Variants in SND1 observed in about 807,000 individuals in gnomAD.
SND1 encodes the protein staphylococcal nuclease and tudor domain containing 1, also known as staphylococcal nuclease domain-containing protein 1.
Under a neutral mutation model 121.7 loss-of-function variants are expected in SND1, and 38 were observed. That is an observed-to-expected ratio of 0.31 (90% CI 0.24 to 0.41). The LOEUF is 0.41. SND1 is among the 10% of genes least tolerant of loss of function. The pLI is 1.00. For missense variants in SND1, 868 were observed against 1,184.6 expected (o/e 0.73, Z 3.92); for synonymous variants, 401 against 447.4 (o/e 0.90, Z 1.31).
chr7:127,794,448 T>C (rs993368322), intron 10 of SND1, among the ~76,000 whole-genome samples: 2 of 152,240 alleles, frequency 1.3e-5, no homozygotes, highest in Non-Finnish European at 2.9e-5. Flanking sequence ...TCCAGCCTTA[T>C]TTTCCCTTCT....
chr7:127,971,225 C>T (rs184847351), intron 15 of SND1, among the ~76,000 whole-genome samples: 1 of 152,048 alleles, frequency 6.6e-6, no homozygotes, highest in African/African-American at 2.4e-5. Context: ...AACCATTTTA[C>T]AAATCTTAGA....
chr7:127,686,258 TATTA>T (rs1456119561), intron 1 of SND1, among the ~76,000 whole-genome samples: 1 of 152,240 alleles, frequency 6.6e-6, no homozygotes, highest in African/African-American at 2.4e-5. Flanking sequence ...TTGATGGAGA[TATTA>T]ATTCTTAATA....
intron 10 of SND1, among the ~76,000 whole-genome samples, chr7:127,725,869 G>C (rs890044769): frequency 6.6e-6 from 1 of 152,090 alleles, no homozygotes; most frequent in African/African-American, 2.4e-5. Flanking sequence ...GTTCTAGGGC[G>C]GGCCTCCACT....
At chr7:127,755,315 C>T (rs1183511612) in intron 10 of SND1, among the ~76,000 whole-genome samples, 1 of 152,186 alleles carries the variant, frequency 6.6e-6, no homozygotes, top group Middle Eastern at 3.2e-3. Context: ...TAGTGTGAGG[C>T]ATCTGATTAA....
chr7:128,083,797 A>T (rs530557070), intron 18 of SND1, among the ~76,000 whole-genome samples: 1 of 152,296 alleles, frequency 6.6e-6, no homozygotes, highest in Non-Finnish European at 1.5e-5. Flanking sequence ...CTGAGACGCA[A>T]GGGGCAAAAA....
intron 22 of SND1, among the ~76,000 whole-genome samples, chr7:128,090,045 A>T (rs1159561386): frequency 6.6e-6 from 1 of 152,038 alleles, no homozygotes; most frequent in Non-Finnish European, 1.5e-5. Context: ...GACAGCTTCC[A>T]AGTCAATAAC....
intron 10 of SND1, among the ~76,000 whole-genome samples, chr7:127,749,043 G>GTT (rs5887354): frequency 0.042 from 4,943 of 116,482 alleles, 257 homozygotes; most frequent in African/African-American, 0.062. Flanking sequence ...TTTTTCTTTC[G>GTT]TTTTTTTTTT....
At chr7:127,729,103 G>A (rs1376501139) in intron 10 of SND1, among the ~76,000 whole-genome samples, 2 of 152,054 alleles carry the variant, frequency 1.3e-5, no homozygotes, top group East Asian at 3.9e-4. Context: ...TGAAGATTGA[G>A]TTCAGTCCAC....
intron 12 of SND1, among the ~76,000 whole-genome samples, chr7:127,870,729 G>A (rs1799569635): frequency 6.6e-6 from 1 of 152,152 alleles, no homozygotes; most frequent in Non-Finnish European, 1.5e-5. Flanking sequence ...AATAGGAAGT[G>A]AATGTGAAAG....
chr7:127,825,541 G>A (rs2116613486), intron 11 of SND1, among the ~76,000 whole-genome samples: 1 of 152,012 alleles, frequency 6.6e-6, no homozygotes, highest in South Asian at 2.1e-4. Flanking sequence ...CCGAGTAGCT[G>A]GGATTAATAG....
intron 11 of SND1, among the ~76,000 whole-genome samples, chr7:127,819,333 G>A (rs1246819658): frequency 1.3e-5 from 2 of 152,128 alleles, no homozygotes; most frequent in Non-Finnish European, 2.9e-5. Context: ...TTACACTTGG[G>A]ATGAATTCAT....
At chr7:128,040,979 G>C (rs557810449) in intron 16 of SND1, among the ~76,000 whole-genome samples, 1 of 152,186 alleles carries the variant, frequency 6.6e-6, no homozygotes, top group African/African-American at 2.4e-5. Flanking sequence ...GCCTAGTAAC[G>C]TGAGTTCCTT....
At chr7:128,024,835 G>A (rs1474321101) in intron 16 of SND1, among the ~76,000 whole-genome samples, 1 of 152,152 alleles carries the variant, frequency 6.6e-6, no homozygotes, top group African/African-American at 2.4e-5. Flanking sequence ...TGGAGAAGAG[G>A]AGCAAAAGAC....
At chr7:127,883,407 G>C (rs758529126) in intron 12 of SND1, among the ~76,000 whole-genome samples, 1 of 152,058 alleles carries the variant, frequency 6.6e-6, no homozygotes, top group Non-Finnish European at 1.5e-5. Context: ...ATTGACAATT[G>C]ATAATTTGTC....
chr7:128,054,645 T>C (rs900759351), intron 16 of SND1, among the ~76,000 whole-genome samples: 5 of 152,342 alleles, frequency 3.3e-5, no homozygotes, highest in African/African-American at 1.2e-4. Flanking sequence ...GCCCCCTTTT[T>C]CTTCTTCCTC....
At chr7:127,821,593 C>T (rs1341066597) in intron 11 of SND1, among the ~76,000 whole-genome samples, 1 of 151,862 alleles carries the variant, frequency 6.6e-6, no homozygotes, top group East Asian at 1.9e-4. Context: ...AGGTACTTTT[C>T]CTTACAGGAT....
intron 10 of SND1, among the ~76,000 whole-genome samples, chr7:127,787,940 C>T (rs970312022): frequency 2.0e-5 from 3 of 152,116 alleles, no homozygotes; most frequent in Non-Finnish European, 4.4e-5. Flanking sequence ...TTTCTATGAC[C>T]TGATTTAATG....
chr7:127,981,004 A>T (rs909749881), intron 15 of SND1, among the ~76,000 whole-genome samples: 1 of 152,218 alleles, frequency 6.6e-6, no homozygotes, highest in East Asian at 1.9e-4. Context: ...ATAAAGTCCT[A>T]TTGCTTTAAA....
At chr7:127,740,272 A>G (rs1796856429) in intron 10 of SND1, among the ~76,000 whole-genome samples, 1 of 152,166 alleles carries the variant, frequency 6.6e-6, no homozygotes, top group Non-Finnish European at 1.5e-5. Context: ...TATTGAATGG[A>G]TAAGGTTTGT....
Sources: gnomAD v4.1 joint callset for allele counts (sites outside exome capture counted in the v4.1 genomes callset) on GRCh38, gnomAD v4.1.1 for gene constraint, MANE v1.5 for transcripts, NCBI Gene and HGNC (gene_info 2026-07-23, HGNC 2026-07-21) for gene names.